Variants in ATP8A2 observed in about 807,000 individuals in gnomAD.
ATP8A2 encodes the protein phospholipid-transporting ATPase IB.
Under a neutral mutation model 165.6 loss-of-function variants are expected in ATP8A2, and 100 were observed. The ratio of observed to expected loss-of-function variants is 0.60; its 90% confidence interval spans 0.51 to 0.71. The LOEUF (loss-of-function observed/expected upper bound fraction) is 0.71. Ranked by LOEUF, ATP8A2 falls within the 30% of genes least tolerant of loss-of-function variation. The probability of loss-of-function intolerance (pLI) is 0.00; values close to 1 mark genes in which losing one functional copy is unlikely to be tolerated. For synonymous variants in ATP8A2, 543 were observed against 548.8 expected (o/e 0.99, Z 0.15); for missense variants, 1,227 against 1,479.5 (o/e 0.83, Z 2.80).
intron 2 of ATP8A2, among the ~76,000 whole-genome samples, chr13:25,514,522 T>G (rs1237956938): frequency 6.6e-6 from 1 of 152,158 alleles, no homozygotes; most frequent in African/African-American, 2.4e-5. Context: ...ATGAGGTTTG[T>G]GTGGGTGCCC....
chr13:25,876,568 C>T lies in ATP8A2; in HGVS notation c.3183+14160C>T, dbSNP rs999974419. On this transcript the variant is annotated intron_variant, in intron 33 of 36. Coordinates refer to ENST00000381655, the MANE Select transcript of ATP8A2 (RefSeq NM_016529.6). ...ACAGGCCTGTTGAGAAACTTTACTA[C>T]GTATGGCATCAAAACAGAGTAAGAC... is the stretch of plus-strand genomic sequence containing the variant. Among the ~76,000 whole-genome samples the T allele has an allele frequency of 7.2e-5, 11 of 152,056 alleles. No homozygotes were observed. The East Asian group carries it at 9.6e-4, about 13-fold the overall frequency.
Position 25,699,321 on chromosome 13 carries a change from C to T in ATP8A2, c.2360C>T (p.Ser787Leu), listed in dbSNP as rs747390022. 6.8e-6 allele frequency: 11 copies of T among 1,613,102 alleles called. No homozygotes were observed. Among genetic ancestry groups the T allele is most frequent in the Admixed American group, 5.0e-5 (3 of 59,908 alleles). The change falls in exon 25 of 37, where the codon TCG (serine) becomes TTG (leucine). Residue 787 changes from serine (S) to leucine (L), a missense_variant. Ser to Leu is a moderately radical substitution (Grantham distance 145). Transcript: ENST00000381655. ...VRRSFLDLALSCKAVICCRVS... is the reference protein window; with the variant it reads ...VRRSFLDLALLCKAVICCRVS... ...AGGAGTTTCCTGGATTTGGCACTCT[C>T]GTGCAAAGCGGTCATATGCTGCAGG...
intron 25 of ATP8A2, among the ~76,000 whole-genome samples, chr13:25,754,529 A>G (rs969833497): frequency 6.6e-6 from 1 of 152,128 alleles, no homozygotes; most frequent in African/African-American, 2.4e-5. Flanking sequence ...GGAAATTAAT[A>G]CCTTCAATTT....
chr13:25,490,355 C>G (rs766803851), intron 2 of ATP8A2, among the ~76,000 whole-genome samples: 84 of 152,342 alleles, frequency 5.5e-4, no homozygotes, highest in African/African-American at 1.9e-3. Flanking sequence ...GCTCTCCTCG[C>G]GGAGCACAGC....
chr13:25,676,966 T>G (rs1041746759), intron 24 of ATP8A2, among the ~76,000 whole-genome samples: 5 of 152,224 alleles, frequency 3.3e-5, no homozygotes, highest in Non-Finnish European at 7.3e-5. Context: ...TTTCTTTTCC[T>G]AGTGCCTTTG....
chr13:25,988,612 G>T (rs1956318338), intron 35 of ATP8A2, among the ~76,000 whole-genome samples: 1 of 152,304 alleles, frequency 6.6e-6, no homozygotes, highest in Admixed American at 6.5e-5. Flanking sequence ...GTTTGCTGTG[G>T]CAGGGCTAGA....
chr13:25,787,798 G>A (rs1001786241), intron 27 of ATP8A2, among the ~76,000 whole-genome samples: 2 of 152,328 alleles, frequency 1.3e-5, no homozygotes, highest in East Asian at 1.9e-4. Context: ...CTGGGAACCA[G>A]GGAACCAGGG....
intron 33 of ATP8A2, among the ~76,000 whole-genome samples, chr13:25,958,703 C>G (rs1955590455): frequency 6.6e-6 from 1 of 152,166 alleles, no homozygotes; most frequent in Non-Finnish European, 1.5e-5. Flanking sequence ...TGGTAGGAAC[C>G]TCTCTGAGAT....
At chr13:25,488,557 C>G (rs1243802898) in intron 2 of ATP8A2, among the ~76,000 whole-genome samples, 3 of 152,118 alleles carry the variant, frequency 2.0e-5, no homozygotes, top group Non-Finnish European at 4.4e-5. Context: ...GGCAACATGG[C>G]AAAACCCTTT....
At chr13:25,722,499 A>G (rs1423156384) in intron 25 of ATP8A2, among the ~76,000 whole-genome samples, 1 of 152,188 alleles carries the variant, frequency 6.6e-6, no homozygotes, top group African/African-American at 2.4e-5. Flanking sequence ...TTTCTGACCA[A>G]TGAGACTGGT....
intron 24 of ATP8A2, among the ~76,000 whole-genome samples, chr13:25,697,057 G>A (rs1158506889): frequency 6.6e-6 from 1 of 152,204 alleles, no homozygotes; most frequent in Non-Finnish European, 1.5e-5. Flanking sequence ...GGTGCTGTTG[G>A]ATAAATGGTG....
intron 2 of ATP8A2, among the ~76,000 whole-genome samples, chr13:25,512,581 C>T (rs555238465): frequency 0.021 from 3,023 of 146,980 alleles, 104 homozygotes; most frequent in African/African-American, 0.073. Flanking sequence ...CCAGTAGGGG[C>T]GGCTGGGCAG....
In ATP8A2 at chr13:26,019,786, G is replaced by T. The variant is rs570488694; in HGVS notation, c.3470-102G>T. The T allele has an allele frequency of 2.7e-5, 20 of 741,178 alleles. No individual in the cohort carries two copies. The African/African-American group carries it at 2.8e-4, about 10-fold the overall frequency. 45.9% of individuals were successfully genotyped at this position (741,178 alleles called of 1,614,324 possible). A position where few individuals can be genotyped will look rare whatever the true frequency, so the allele number is the denominator to read the frequency against. On this transcript the variant is annotated intron_variant, in intron 36 of 36. Transcript: ENST00000381655. Reference sequence around the variant, plus strand: ...TCCAAGGCTAAGGAGGCCAGATGTCGCACTCACCCGCACGCTGCCAAAAAA... The same window carrying T: ...TCCAAGGCTAAGGAGGCCAGATGTCTCACTCACCCGCACGCTGCCAAAAAA...
At chr13:25,831,088 T>C (rs924279252) in intron 28 of ATP8A2, among the ~76,000 whole-genome samples, 1 of 152,198 alleles carries the variant, frequency 6.6e-6, no homozygotes, top group Non-Finnish European at 1.5e-5. Flanking sequence ...CCTCCTCTTC[T>C]GGGCTGGGTT....
At chr13:25,764,675 T>A (rs2044454445) in intron 25 of ATP8A2, among the ~76,000 whole-genome samples, 1 of 152,220 alleles carries the variant, frequency 6.6e-6, no homozygotes, top group Non-Finnish European at 1.5e-5. Flanking sequence ...AACTCATTGA[T>A]CTAGGACAGT....
chr13:25,784,893 G>A (rs2044984214), intron 27 of ATP8A2, among the ~76,000 whole-genome samples: 2 of 151,858 alleles, frequency 1.3e-5, no homozygotes, highest in South Asian at 2.1e-4. Flanking sequence ...AGCCTCCTGA[G>A]TGGCTGGGAT....
intron 16 of ATP8A2, among the ~76,000 whole-genome samples, chr13:25,564,565 C>A (rs1205024621): frequency 6.6e-6 from 1 of 152,104 alleles, no homozygotes; most frequent in African/African-American, 2.4e-5. Flanking sequence ...AGTTACCCAG[C>A]GCATAAATGT....
chr13:25,504,746 CA>C (rs34066777), intron 2 of ATP8A2, among the ~76,000 whole-genome samples: 168 of 84,802 alleles, frequency 2.0e-3, no homozygotes, highest in East Asian at 9.5e-3. Flanking sequence ...GACTCCGTCT[CA>C]AAAAAAAAAA....
At chr13:25,486,450 G>A (rs1181232229) in intron 2 of ATP8A2, among the ~76,000 whole-genome samples, 1 of 152,094 alleles carries the variant, frequency 6.6e-6, no homozygotes, top group Non-Finnish European at 1.5e-5. Flanking sequence ...TATATATCCT[G>A]AAGATAAATT....
Sources: gnomAD v4.1 joint callset for allele counts (sites outside exome capture counted in the v4.1 genomes callset) on GRCh38, gnomAD v4.1.1 for gene constraint, MANE v1.5 for transcripts, NCBI Gene and HGNC (gene_info 2026-07-23, HGNC 2026-07-21) for gene names.